Variants in CNTN5 observed in about 807,000 individuals in gnomAD.
CNTN5 encodes contactin 5.
A neutral mutation model predicts 129.1 loss-of-function variants in CNTN5; 77 were observed. That is an observed-to-expected ratio of 0.60 (90% confidence interval 0.50 to 0.72). CNTN5 has a LOEUF of 0.72. CNTN5 is among the 30% of genes least tolerant of loss of function. The pLI is 0.00. For missense variants in CNTN5, 1,478 were observed against 1,328.8 expected (o/e 1.11, Z -1.75); for synonymous variants, 509 against 465.6 (o/e 1.09, Z -1.20).
chr11:99,499,894 T>C (rs1946364100), intron 2 of CNTN5, among the ~76,000 whole-genome samples: 1 of 152,206 alleles, frequency 6.6e-6, no homozygotes, highest in South Asian at 2.1e-4. Flanking sequence ...TTGGGTGCCA[T>C]AGAAAAAGTT....
intron 2 of CNTN5, among the ~76,000 whole-genome samples, chr11:99,545,753 T>C (rs1011954497): frequency 1.3e-5 from 2 of 152,208 alleles, no homozygotes; most frequent in African/African-American, 4.8e-5. Context: ...GACTTACTTG[T>C]TCATGCAGAA....
chr11:100,000,831 C>A (rs955112920), intron 8 of CNTN5, among the ~76,000 whole-genome samples: 1 of 152,172 alleles, frequency 6.6e-6, no homozygotes, highest in Admixed American at 6.5e-5. Context: ...CCCAACACCA[C>A]ATGGAATTTG....
chr11:99,464,683 A>C (rs1200939478), intron 2 of CNTN5, among the ~76,000 whole-genome samples: 1 of 152,192 alleles, frequency 6.6e-6, no homozygotes, highest in Non-Finnish European at 1.5e-5. Flanking sequence ...TACAGATTCA[A>C]TTGGTTGAAG....
intron 3 of CNTN5, among the ~76,000 whole-genome samples, chr11:99,620,150 A>G (rs1281013237): frequency 6.6e-6 from 1 of 152,098 alleles, no homozygotes; most frequent in East Asian, 1.9e-4. Context: ...AATCTGCAGG[A>G]TACATATTGG....
In CNTN5 at chr11:99,907,163, G is replaced by T. The variant is rs572411285; in HGVS notation, c.578-8891G>T. On this transcript the variant is annotated intron_variant, in intron 6 of 24. Transcript: ENST00000524871. ...GTTAGTTATTTCTTGTCTTCTGCTA[G>T]CTTTTGAATTTGTTTGCTTTTGCTT... is the stretch of plus-strand genomic sequence containing the variant. Among the ~76,000 whole-genome samples the T allele has an allele frequency of 2.6e-5, 4 of 152,168 alleles. No individual in the cohort carries two copies. In the South Asian group the frequency reaches 8.3e-4, roughly 32 times the overall value.
intron 2 of CNTN5, among the ~76,000 whole-genome samples, chr11:99,466,174 G>A (rs1260368984): frequency 1.3e-5 from 2 of 152,116 alleles, no homozygotes; most frequent in African/African-American, 4.8e-5. Context: ...GAGCCACTGT[G>A]CCCGGCTGAT....
At chr11:99,526,143 C>T (rs557722972) in intron 2 of CNTN5, among the ~76,000 whole-genome samples, 1 of 152,250 alleles carries the variant, frequency 6.6e-6, no homozygotes, top group South Asian at 2.1e-4. Flanking sequence ...CTATTGATAC[C>T]ATAGTCTCTG....
At chr11:99,493,612 G>A (rs10790743) in intron 2 of CNTN5, among the ~76,000 whole-genome samples, 44,757 of 151,970 alleles carry the variant, frequency 0.29, 6,959 homozygotes, top group East Asian at 0.43. Flanking sequence ...TCTAGTGCAG[G>A]TTCAAAAAAA....
intron 6 of CNTN5, among the ~76,000 whole-genome samples, chr11:99,907,283 G>T (rs151084593): frequency 5.7e-4 from 87 of 151,846 alleles, no homozygotes; most frequent in African/African-American, 2.0e-3. Context: ...AAATAAATTT[G>T]ATTTTTAACA....
chr11:99,211,120 C>G (rs886833710), intron 1 of CNTN5, among the ~76,000 whole-genome samples: 2 of 152,026 alleles, frequency 1.3e-5, no homozygotes, highest in Admixed American at 6.6e-5. Flanking sequence ...TTTTCTTAAC[C>G]CATTACCAAG....
At chr11:99,162,654 G>C (rs1198033062) in intron 1 of CNTN5, among the ~76,000 whole-genome samples, 3 of 152,140 alleles carry the variant, frequency 2.0e-5, no homozygotes, top group Non-Finnish European at 4.4e-5. Context: ...AGAAAGAGAA[G>C]CTAAGAACAT....
chr11:99,312,374 C>T (rs778526070), intron 1 of CNTN5, among the ~76,000 whole-genome samples: 1 of 151,934 alleles, frequency 6.6e-6, no homozygotes, highest in South Asian at 2.1e-4. Context: ...CCTGTATGAG[C>T]CTTCGATTCT....
At chr11:100,155,658 A>G (rs1236106146) in intron 13 of CNTN5, among the ~76,000 whole-genome samples, 2 of 152,032 alleles carry the variant, frequency 1.3e-5, no homozygotes, top group Admixed American at 6.6e-5. Context: ...ATGCACATGG[A>G]ATGTTTTTCC....
chr11:99,901,668 T>C (rs1353834108), intron 6 of CNTN5, among the ~76,000 whole-genome samples: 2 of 152,192 alleles, frequency 1.3e-5, no homozygotes, highest in Non-Finnish European at 2.9e-5. Flanking sequence ...ACCACTGAGA[T>C]TTATTCATTC....
chr11:100,041,531 T>G (rs1942380266), intron 9 of CNTN5, among the ~76,000 whole-genome samples: 1 of 152,216 alleles, frequency 6.6e-6, no homozygotes, highest in Non-Finnish European at 1.5e-5. Flanking sequence ...TTGGCAAGGC[T>G]GCTTTGGCAT....
chr11:99,709,168 T>G (rs1954870264), intron 3 of CNTN5, among the ~76,000 whole-genome samples: 1 of 151,898 alleles, frequency 6.6e-6, no homozygotes, highest in African/African-American at 2.4e-5. Context: ...CTTTATTTGT[T>G]TAAAATGTTC....
chr11:99,226,712 G>A (rs1043303385), intron 1 of CNTN5, among the ~76,000 whole-genome samples: 5 of 152,026 alleles, frequency 3.3e-5, no homozygotes, highest in Non-Finnish European at 7.4e-5. Context: ...TTCCTAATAG[G>A]CAAAGATCAC....
At chr11:99,156,878 T>C (rs900688285) in intron 1 of CNTN5, among the ~76,000 whole-genome samples, 2 of 152,042 alleles carry the variant, frequency 1.3e-5, no homozygotes, top group Admixed American at 6.5e-5. Flanking sequence ...AGGTGTATAA[T>C]ACTGTGTTTC....
chr11:99,080,504 G>C (rs1865748113), intron 1 of CNTN5, among the ~76,000 whole-genome samples: 2 of 152,164 alleles, frequency 1.3e-5, no homozygotes. Flanking sequence ...CACTGCGTCA[G>C]CTACAAACAC....
Sources: allele counts gnomAD v4.1 joint callset (sites outside exome capture counted in the v4.1 genomes callset), GRCh38; gene constraint gnomAD v4.1.1; transcripts MANE v1.5; gene names NCBI Gene and HGNC (gene_info 2026-07-23, HGNC 2026-07-21).